The following ALDH1L2 variants were observed in gnomAD, a reference collection of about 807,000 sequenced individuals.
ALDH1L2 encodes aldehyde dehydrogenase 1 family member L2.
Under a neutral mutation model 111.0 loss-of-function variants are expected in ALDH1L2, and 91 were observed. That is an observed-to-expected ratio of 0.82 (90% CI 0.69 to 0.98). The LOEUF is 0.98. ALDH1L2 is among the 50% of genes least tolerant of loss of function. The pLI is 0.00. For synonymous variants in ALDH1L2, 374 were observed against 392.6 expected (o/e 0.95, Z 0.56); for missense variants, 995 against 1,126.8 (o/e 0.88, Z 1.67).
At chr12:105,061,218 C>A in intron 8 of ALDH1L2, 146 bp from the exon 9 acceptor site, 1 of 722,910 alleles carries the variant, frequency 1.4e-6, no homozygotes, top group Non-Finnish European at 2.3e-6. Flanking sequence ...AGCGCCTCTC[C>A]AAGTTAGATG....
intron 19 of ALDH1L2, among the ~76,000 whole-genome samples, chr12:105,032,429 G>A (rs982957210): frequency 9.2e-5 from 14 of 151,968 alleles, no homozygotes; most frequent in Non-Finnish European, 2.1e-4. Flanking sequence ...AGTAGAGATG[G>A]GGTTTCTCCA....
rs1874274665 is a variant in ALDH1L2, at chr12:105,023,750, T to G, written c.*674A>C. The stretch of plus-strand genomic sequence containing the variant: ...CCTTCTACTATATCATATGTAAAAT[T>G]TGCTTCAAAAGCTATTTACTAAAAT... On this transcript the variant is annotated 3_prime_UTR_variant, in exon 23 of 23. Coordinates refer to ENST00000258494, the MANE Select transcript of ALDH1L2 (RefSeq NM_001034173.4). 2.6e-5 allele frequency: 4 copies of G among 152,180 alleles called. No individual in the cohort carries two copies. In the South Asian group the frequency reaches 8.3e-4, roughly 31 times the overall value. The allele number at this position is 152,180 out of a possible 1,614,324, so 9.4% of individuals were successfully genotyped here.
At chr12:105,077,828 T>C (rs1878143309) in intron 1 of ALDH1L2, among the ~76,000 whole-genome samples, 1 of 151,856 alleles carries the variant, frequency 6.6e-6, no homozygotes, top group Non-Finnish European at 1.5e-5. Flanking sequence ...TGAAGCCCTT[T>C]GGCCAGATGC....
chr12:105,050,316 G>T (rs1291141307), intron 12 of ALDH1L2: 3 of 258,584 alleles, frequency 1.2e-5, no homozygotes, highest in Non-Finnish European at 2.2e-5. Context: ...GTAAGAAGTA[G>T]AACAATGACT....
At position 105,066,565 on chromosome 12, in the gene ALDH1L2, T is replaced by C. The variant is rs199627032; in HGVS notation, c.696+3A>G. ...ACGTGTTATTGAGTTGATATATAAA[T>C]ACCTCAGCATTTTCCTTTTTCTGGA... On this transcript the variant is annotated splice_donor_region_variant and intron_variant, in intron 5 of 22. Coordinates refer to ENST00000258494, the MANE Select transcript of ALDH1L2 (RefSeq NM_001034173.4). 2 of 1,612,438 alleles carry C rather than the reference T, an allele frequency of 1.2e-6. No individual in the cohort carries two copies. The highest frequency in any genetic ancestry group is 2.2e-5 in the East Asian group (1 of 44,862).
intron 5 of ALDH1L2, among the ~76,000 whole-genome samples, chr12:105,065,995 T>C (rs1288982704): frequency 2.0e-5 from 3 of 152,166 alleles, no homozygotes; most frequent in Non-Finnish European, 4.4e-5. Flanking sequence ...TTTTTGTTTT[T>C]TGAGACAGGG....
chr12:105,025,533 T>G (rs1020939259), intron 22 of ALDH1L2, among the ~76,000 whole-genome samples: 2 of 152,114 alleles, frequency 1.3e-5, no homozygotes, highest in African/African-American at 4.8e-5. Context: ...AAAACCAGAT[T>G]AAAGACATGG....
chr12:105,030,344 G>T lies in ALDH1L2; in HGVS notation c.2496C>A (p.Val832=). 1 of 1,611,876 alleles carries T rather than the reference G, an allele frequency of 6.2e-7. No homozygotes were observed. The highest frequency in any genetic ancestry group is 8.5e-7 in the Non-Finnish European group (1 of 1,178,872). ...CCTACCCATTTTGGAATTTAGAAAT[G>T]ACCATAATAGGCCCAAAGGATTCCT... ...AKEESFGPIM[V]ISKFQNGDID... Residue 832 remains valine, a synonymous_variant, in exon 21 of 23, where the codon GTC becomes GTA. Transcript: ENST00000258494.
At chr12:105,061,569 T>C (rs1308792948) in intron 8 of ALDH1L2, 58 bp downstream of exon 8, 3 of 1,604,578 alleles carry the variant, frequency 1.9e-6, no homozygotes, top group Non-Finnish European at 8.5e-7. Context: ...TGGTACCAGT[T>C]ACGAACATGC....
chr12:105,073,807 A>G (rs1013581539), intron 2 of ALDH1L2, 54 bp downstream of exon 2: 75 of 1,607,174 alleles, frequency 4.7e-5, no homozygotes, highest in South Asian at 3.6e-4. Context: ...ATGGAAGTCC[A>G]GCATTGGTAA....
rs201497480 is a variant in ALDH1L2, at chr12:105,063,967, C to CTT, written c.787-947_787-946dup. 7.2e-3 allele frequency among the ~76,000 whole-genome samples: 970 copies of CTT among 135,448 alleles called. 26 individuals are homozygous for CTT. The highest frequency in any genetic ancestry group is 0.021 in the African/African-American group (775 of 36,178). The allele number at this position is 135,448 out of a possible 152,430, so 88.9% of individuals were successfully genotyped here. On this transcript the variant is annotated intron_variant, in intron 6 of 22. Coordinates refer to ENST00000258494, the MANE Select transcript of ALDH1L2 (RefSeq NM_001034173.4). The stretch of plus-strand genomic sequence containing the variant: ...TTAAATGAGTTAACATGTATTAATT[C>CTT]TTTTTTTTTTTTTTTTGAGACAGAG...
At chr12:105,071,106 A>G (rs762895803) in intron 2 of ALDH1L2, among the ~76,000 whole-genome samples, 36 of 152,212 alleles carry the variant, frequency 2.4e-4, no homozygotes, top group Non-Finnish European at 4.3e-4. Flanking sequence ...TACTGATACA[A>G]CATTTTAAGA....
At chr12:105,025,032 G>A (rs1014628801) in intron 22 of ALDH1L2, among the ~76,000 whole-genome samples, 1 of 152,146 alleles carries the variant, frequency 6.6e-6, no homozygotes, top group African/African-American at 2.4e-5. Flanking sequence ...GAAACACAGG[G>A]AAACCTGTCT....
chr12:105,039,360 G>C (rs1047035367), intron 17 of ALDH1L2, among the ~76,000 whole-genome samples: 8 of 151,988 alleles, frequency 5.3e-5, no homozygotes, highest in Non-Finnish European at 1.2e-4. Context: ...AAATAATCCA[G>C]GTTTGTCATA....
chr12:105,078,070 C>T (rs1008974637), intron 1 of ALDH1L2, among the ~76,000 whole-genome samples: 3 of 149,370 alleles, frequency 2.0e-5, no homozygotes, highest in African/African-American at 7.5e-5. Flanking sequence ...ACACTCTGGG[C>T]GTAGTGCATG....
intron 15 of ALDH1L2, among the ~76,000 whole-genome samples, chr12:105,042,080 A>AAC (rs57015503): frequency 0.36 from 54,248 of 151,282 alleles, 9,864 homozygotes; most frequent in South Asian, 0.51. Context: ...ATGTATACAC[A>AAC]ACACACACAC....
chr12:105,049,294 C>T (rs1876108279), intron 13 of ALDH1L2, among the ~76,000 whole-genome samples: 1 of 152,128 alleles, frequency 6.6e-6, no homozygotes, highest in African/African-American at 2.4e-5. Flanking sequence ...CAAATCTGGT[C>T]GTATGGGTTA....
At chr12:105,033,494 TTC>T (rs1377629671) in intron 19 of ALDH1L2, among the ~76,000 whole-genome samples, 1 of 152,180 alleles carries the variant, frequency 6.6e-6, no homozygotes, top group Non-Finnish European at 1.5e-5. Flanking sequence ...TTGTTACTCA[TTC>T]TCATGAAGAA....
intron 2 of ALDH1L2, among the ~76,000 whole-genome samples, chr12:105,071,920 T>G (rs1450188219): frequency 6.7e-6 from 1 of 149,666 alleles, no homozygotes; most frequent in African/African-American, 2.4e-5. Flanking sequence ...GACCTCCATC[T>G]CTACCAAAAA....
Sources: gnomAD v4.1 joint callset for allele counts (sites outside exome capture counted in the v4.1 genomes callset) on GRCh38, gnomAD v4.1.1 for gene constraint, MANE v1.5 for transcripts, NCBI Gene and HGNC (gene_info 2026-07-23, HGNC 2026-07-21) for gene names.